The following RUNX1T1 variants were observed in gnomAD, a reference collection of about 807,000 sequenced individuals.
The protein encoded by RUNX1T1 is RUNX1 partner transcriptional co-repressor 1, also known as protein CBFA2T1.
In RUNX1T1, 4 loss-of-function variants were observed where a neutral mutation model predicts 62.8. The observed-to-expected ratio is 0.06, with a 90% CI of 0.03 to 0.15. The LOEUF is 0.15. RUNX1T1 is among the 10% of genes least tolerant of loss of function. The pLI is 1.00. For synonymous variants in RUNX1T1, 291 were observed against 286.0 expected, an observed-to-expected ratio of 1.02 and a Z score of -0.18; for missense variants, 508 against 754.3, an observed-to-expected ratio of 0.67 and a Z score of 3.82.
At chr8:92,035,063 G>A (rs1291648850) in intron 1 of RUNX1T1, among the ~76,000 whole-genome samples, 1 of 152,046 alleles carries the variant, frequency 6.6e-6, no homozygotes, top group Admixed American at 6.5e-5. Context: ...GGGAGGCCAA[G>A]GAGGGCGGAT....
intron 1 of RUNX1T1, among the ~76,000 whole-genome samples, chr8:92,077,488 T>A (rs572232669): frequency 1.3e-5 from 2 of 152,084 alleles, no homozygotes; most frequent in African/African-American, 4.8e-5. Flanking sequence ...TACATCTAGA[T>A]GTTAAATATG....
chr8:91,962,297 A>G (rs1810648571), intron 10 of RUNX1T1, among the ~76,000 whole-genome samples: 3 of 152,222 alleles, frequency 2.0e-5, no homozygotes, highest in African/African-American at 7.2e-5. Flanking sequence ...ACAATCCAAC[A>G]CGGAAAAACA....
chr8:91,958,887 T>C (rs552804340), downstream of RUNX1T1: 5 of 194,006 alleles, frequency 2.6e-5, no homozygotes, highest in Non-Finnish European at 5.3e-5. Flanking sequence ...GAGAGTGAAA[T>C]AGCAGCTCCG....
intron 1 of RUNX1T1, among the ~76,000 whole-genome samples, chr8:92,040,451 A>C (rs1828235392): frequency 6.6e-6 from 1 of 152,206 alleles, no homozygotes; most frequent in South Asian, 2.1e-4. Context: ...AATGCTTAGC[A>C]CACAGCTAAT....
At chr8:92,010,085 AT>A (rs1276053310) in intron 4 of RUNX1T1, 1 of 152,180 alleles carries the variant, frequency 6.6e-6, no homozygotes, top group African/African-American at 2.4e-5. Flanking sequence ...TTCACACAGG[AT>A]CTGATCAGTT....
chr8:92,089,842 C>T (rs1377524491), intron 1 of RUNX1T1, among the ~76,000 whole-genome samples: 1 of 142,826 alleles, frequency 7.0e-6, no homozygotes. Flanking sequence ...ATGGAGAAGA[C>T]TGGAATGATA....
At chr8:92,060,553 A>ATATATATATATATATGTG in intron 1 of RUNX1T1, among the ~76,000 whole-genome samples, 1 of 63,974 alleles carries the variant, frequency 1.6e-5, no homozygotes, top group Non-Finnish European at 3.2e-5. Context: ...ATATATATAT[A>ATATATATATATATATGTG]TGTGTGTGTG....
upstream of RUNX1T1, chr8:92,103,088 A>C (rs889158336): frequency 4.5e-6 from 2 of 443,724 alleles, no homozygotes; most frequent in Non-Finnish European, 7.5e-6. Context: ...GCTGCCGTGC[A>C]AAAAGCCCGG....
At chr8:91,997,344 T>C (rs1400980499) in intron 5 of RUNX1T1, among the ~76,000 whole-genome samples, 2 of 152,080 alleles carry the variant, frequency 1.3e-5, no homozygotes, top group African/African-American at 4.8e-5. Flanking sequence ...TGTAAGTTTT[T>C]TTCTCTACAT....
At chr8:92,065,893 C>T (rs1231582262), upstream of RUNX1T1, among the ~76,000 whole-genome samples, 1 of 152,168 alleles carries the variant, frequency 6.6e-6, no homozygotes, top group Non-Finnish European at 1.5e-5. Context: ...TTCAAAGGAG[C>T]TGAAACCTCA....
chr8:92,047,752 TAAA>T (rs755544614), intron 1 of RUNX1T1, among the ~76,000 whole-genome samples: 1 of 143,132 alleles, frequency 7.0e-6, no homozygotes. Context: ...ACTATGGATT[TAAA>T]AAAAAAAAAA....
At chr8:91,982,966 C>T (rs1321497302) in intron 8 of RUNX1T1, among the ~76,000 whole-genome samples, 2 of 116,796 alleles carry the variant, frequency 1.7e-5, no homozygotes, top group Non-Finnish European at 3.2e-5. Context: ...CTTGCCCTGT[C>T]GTCTAGGCTC....
chr8:92,080,650 T>C (rs1367858888), intron 1 of RUNX1T1, among the ~76,000 whole-genome samples: 1 of 152,238 alleles, frequency 6.6e-6, no homozygotes, highest in East Asian at 1.9e-4. Flanking sequence ...ATGCACTCTA[T>C]TCATTCCATT....
At chr8:92,031,824 G>A (rs529689770) in intron 1 of RUNX1T1, among the ~76,000 whole-genome samples, 1 of 152,122 alleles carries the variant, frequency 6.6e-6, no homozygotes, top group East Asian at 1.9e-4. Context: ...GCAAGACATG[G>A]CTCACTCCTG....
intron 1 of RUNX1T1, among the ~76,000 whole-genome samples, chr8:92,098,339 A>G (rs1330076660): frequency 6.6e-6 from 1 of 152,244 alleles, no homozygotes; most frequent in African/African-American, 2.4e-5. Context: ...TCTCATGGAT[A>G]CAAAGCTGAA....
At chr8:92,059,292 T>C (rs920433833) in intron 1 of RUNX1T1, among the ~76,000 whole-genome samples, 1 of 152,152 alleles carries the variant, frequency 6.6e-6, no homozygotes, top group African/African-American at 2.4e-5. Flanking sequence ...GTTTTTATTC[T>C]TGCATAATAG....
chr8:92,055,111 G>GT (rs1780041878), intron 1 of RUNX1T1, among the ~76,000 whole-genome samples: 1 of 152,170 alleles, frequency 6.6e-6, no homozygotes, highest in Non-Finnish European at 1.5e-5. Context: ...AAGTAACTAT[G>GT]GCTTAAAGAG....
At chr8:92,021,863 C>G (rs1363920634) in intron 1 of RUNX1T1, among the ~76,000 whole-genome samples, 2 of 151,020 alleles carry the variant, frequency 1.3e-5, no homozygotes, top group Non-Finnish European at 1.5e-5. Context: ...CCTTGGTACT[C>G]CCTGGCTTTT....
At chr8:92,042,108 C>G (rs1204173392) in intron 1 of RUNX1T1, among the ~76,000 whole-genome samples, 1 of 151,706 alleles carries the variant, frequency 6.6e-6, no homozygotes, top group Non-Finnish European at 1.5e-5. Context: ...CAGGTGTGAT[C>G]TGTGCCTGGC....
Sources: gnomAD v4.1 joint callset for allele counts (sites outside exome capture counted in the v4.1 genomes callset) on GRCh38, gnomAD v4.1.1 for gene constraint, MANE v1.5 for transcripts, NCBI Gene and HGNC (gene_info 2026-07-23, HGNC 2026-07-21) for gene names.